The following GATAD2A variants were observed in gnomAD, a reference collection of about 807,000 sequenced individuals.
The protein encoded by GATAD2A is GATA zinc finger domain containing 2A.
Under a neutral mutation model 68.5 loss-of-function variants are expected in GATAD2A, and 12 were observed. The ratio of observed to expected loss-of-function variants is 0.18; its 90% CI spans 0.11 to 0.28. The LOEUF (loss-of-function observed/expected upper bound fraction) is 0.28. Among genes scored for constraint, GATAD2A ranks in the 10% least tolerant of loss-of-function variants. GATAD2A has a pLI of 1.00. For synonymous variants in GATAD2A, 410 were observed against 375.3 expected (o/e 1.09, Z -1.07); for missense variants, 755 against 868.5 (o/e 0.87, Z 1.64).
intron 1 of GATAD2A, among the ~76,000 whole-genome samples, chr19:19,428,941 G>T (rs1371216852): frequency 6.6e-6 from 1 of 152,158 alleles, no homozygotes; most frequent in Non-Finnish European, 1.5e-5. Flanking sequence ...CGTGCCCATG[G>T]CTGTAGTCTT....
chr19:19,468,243 A>G (rs2058026212), intron 2 of GATAD2A, among the ~76,000 whole-genome samples: 1 of 152,218 alleles, frequency 6.6e-6, no homozygotes, highest in Non-Finnish European at 1.5e-5. Context: ...AGCTTTGAGG[A>G]CCAACAGCTT....
At chr19:19,495,708 G>T (rs761698018) in intron 5 of GATAD2A, 46 bp from the exon 6 acceptor site, 3 of 1,531,014 alleles carry the variant, frequency 2.0e-6, no homozygotes, top group African/African-American at 2.8e-5. Flanking sequence ...AAAAAAGTGT[G>T]GGGGGGTCCG....
intron 11 of GATAD2A, among the ~76,000 whole-genome samples, chr19:19,503,998 G>A (rs748368391): frequency 3.9e-5 from 6 of 152,204 alleles, no homozygotes; most frequent in Non-Finnish European, 8.8e-5. Flanking sequence ...CTTGAGCCTA[G>A]GAGTTTGAGA....
At chr19:19,473,384 C>T (rs1267734160) in intron 2 of GATAD2A, among the ~76,000 whole-genome samples, 1 of 152,176 alleles carries the variant, frequency 6.6e-6, no homozygotes, top group Non-Finnish European at 1.5e-5. Flanking sequence ...CACTTGTGGC[C>T]AGTGACAGAC....
In GATAD2A at chr19:19,424,739, G is replaced by A. The variant is rs375321123; in HGVS notation, c.-7+18720G>A. Reference sequence around the variant, plus strand: ...GTCTGGGGCCTCAGAGGCAGCGACTGTGCTGTGCATTGGTGAAGGAAGCAT... The same window carrying A: ...GTCTGGGGCCTCAGAGGCAGCGACTATGCTGTGCATTGGTGAAGGAAGCAT... On this transcript the variant is annotated intron_variant, in intron 1 of 11. Transcript: ENST00000683918. 2.6e-5 allele frequency among the ~76,000 whole-genome samples: 4 copies of A among 152,290 alleles called. No individual in the cohort carries two copies. In the East Asian group the frequency reaches 5.8e-4, roughly 22 times the overall value.
chr19:19,412,123 T>C (rs1299398133), intron 1 of GATAD2A, among the ~76,000 whole-genome samples: 1 of 151,836 alleles, frequency 6.6e-6, no homozygotes, highest in Non-Finnish European at 1.5e-5. Flanking sequence ...GGCCGCTTTT[T>C]TTTCTCTCTC....
chr19:19,482,974 G>A (rs1400890146), intron 2 of GATAD2A, among the ~76,000 whole-genome samples: 1 of 151,968 alleles, frequency 6.6e-6, no homozygotes, highest in Non-Finnish European at 1.5e-5. Context: ...TATTCTGCAC[G>A]CCCCCGAGAC....
intron 1 of GATAD2A, among the ~76,000 whole-genome samples, chr19:19,438,298 T>C (rs1382343460): frequency 6.6e-6 from 1 of 152,048 alleles, no homozygotes; most frequent in Non-Finnish European, 1.5e-5. Flanking sequence ...CAGGCTGGAG[T>C]GCAGTGGTGT....
At chr19:19,447,485 G>C (rs2055862977) in intron 1 of GATAD2A, among the ~76,000 whole-genome samples, 1 of 152,234 alleles carries the variant, frequency 6.6e-6, no homozygotes, top group South Asian at 2.1e-4. Flanking sequence ...CCAGAGGTTG[G>C]TGTGGGTGTC....
chr19:19,428,509 C>A (rs2053349218), intron 1 of GATAD2A, among the ~76,000 whole-genome samples: 1 of 152,192 alleles, frequency 6.6e-6, no homozygotes, highest in African/African-American at 2.4e-5. Context: ...CGCAGGCAGG[C>A]AGGCTCCCCG....
chr19:19,501,887 C>G, intron 9 of GATAD2A, 82 bp from the exon 10 acceptor site: 1 of 1,058,494 alleles, frequency 9.4e-7, no homozygotes, highest in Admixed American at 1.8e-5. Context: ...GGGGACGGGC[C>G]TGTCCTGTGG....
At chr19:19,415,008 T>C (rs1213884891) in intron 1 of GATAD2A, among the ~76,000 whole-genome samples, 1 of 151,412 alleles carries the variant, frequency 6.6e-6, no homozygotes, top group Non-Finnish European at 1.5e-5. Context: ...CCTTAGCTCT[T>C]TGGGAGGCTG....
intron 1 of GATAD2A, among the ~76,000 whole-genome samples, chr19:19,434,242 C>T (rs1188930896): frequency 6.6e-6 from 1 of 152,168 alleles, no homozygotes; most frequent in African/African-American, 2.4e-5. Flanking sequence ...TGCAGCAGAA[C>T]AGCACAGGAC....
At chr19:19,425,028 T>C (rs1344719791) in intron 1 of GATAD2A, among the ~76,000 whole-genome samples, 1 of 151,476 alleles carries the variant, frequency 6.6e-6, no homozygotes, top group African/African-American at 2.4e-5. Flanking sequence ...GGAGGATTGC[T>C]TGAGGCCAAG....
chr19:19,442,802 A>T (rs1247381268), intron 1 of GATAD2A, among the ~76,000 whole-genome samples: 1 of 150,346 alleles, frequency 6.7e-6, no homozygotes, highest in Non-Finnish European at 1.5e-5. Context: ...ACAGTTTCTT[A>T]TTGGTGCTTA....
rs763359693 is a variant in GATAD2A, at chr19:19,492,596, G to C, written c.418G>C (p.Glu140Gln). ...GCCCCTGCAGAAAAGCAGTCCTGAA[G>C]AACGAGAAAGGATGATCAAGCAGCT... ...TEALMKSSPEERERMIKQLKE... is the reference protein window; with the variant it reads ...TEALMKSSPEQRERMIKQLKE... Residue 140 changes from glutamate to glutamine, a missense_variant, in exon 4 of 12, where the codon GAA becomes CAA. Physicochemically the swap from Glu to Gln is conservative, Grantham distance 29 (BLOSUM62 2). Transcript: ENST00000683918. 1 of 1,614,238 alleles carries C rather than the reference G, an allele frequency of 6.2e-7. No homozygotes were observed. The highest frequency in any genetic ancestry group is 1.1e-5 in the South Asian group (1 of 91,080).
rs2050642952 is a variant in GATAD2A, at chr19:19,409,251, G to A, written c.-7+3232G>A. 2.6e-5 allele frequency among the ~76,000 whole-genome samples: 4 copies of A among 152,188 alleles called. No homozygotes were observed. The South Asian group carries it at 8.3e-4, about 32-fold the overall frequency. ...GTTTCTGTGCCATCAAATGGAACAG[G>A]CAGGGCTATTTTCTCTAGACCTTTC... On this transcript the variant is annotated intron_variant, in intron 1 of 11. Coordinates refer to ENST00000683918, the MANE Select transcript of GATAD2A (RefSeq NM_001384528.1).
intron 1 of GATAD2A, among the ~76,000 whole-genome samples, chr19:19,453,971 G>A (rs79350958): frequency 1.4e-5 from 2 of 138,582 alleles, no homozygotes; most frequent in South Asian, 4.7e-4. Flanking sequence ...CAAATTTTTT[G>A]TGTTTTTTTT....
chr19:19,439,576 G>A (rs1204177037), intron 1 of GATAD2A, among the ~76,000 whole-genome samples: 4 of 152,152 alleles, frequency 2.6e-5, no homozygotes, highest in African/African-American at 9.7e-5. Flanking sequence ...GGTCAGGTGC[G>A]GTGGCTCACT....
Sources: allele counts gnomAD v4.1 joint callset (sites outside exome capture counted in the v4.1 genomes callset), GRCh38; gene constraint gnomAD v4.1.1; transcripts MANE v1.5; gene names NCBI Gene and HGNC (gene_info 2026-07-23, HGNC 2026-07-21).